Variants in CASK observed in about 807,000 individuals in gnomAD.
CASK encodes the protein peripheral plasma membrane protein CASK.
A neutral mutation model predicts 82.9 loss-of-function variants in CASK; 4 were observed. The ratio of observed to expected loss-of-function variants is 0.05; its 90% confidence interval spans 0.02 to 0.11. CASK has a LOEUF of 0.11. CASK is among the 10% of genes least tolerant of loss of function. The probability of loss-of-function intolerance (pLI) is 1.00; values close to 1 mark genes in which losing one functional copy is unlikely to be tolerated. For missense variants in CASK, 358 were observed against 720.9 expected (o/e 0.50, Z 5.76); for synonymous variants, 259 against 253.5 (o/e 1.02, Z -0.20).
At chrX:41,727,244 T>C in intron 5 of CASK, 4 of 1,204,627 alleles carry the variant, frequency 3.3e-6, no homozygotes, top group Non-Finnish European at 4.5e-6. Context: ...TTCATGAGTA[T>C]CTATTTCCTG....
intron 24 of CASK, among the ~76,000 whole-genome samples, chrX:41,534,415 ACAC>A (rs2064847814): frequency 5.5e-5 from 6 of 109,803 alleles, no homozygotes; most frequent in African/African-American, 2.0e-4. Flanking sequence ...ACACACACAC[ACAC>A]ACACACACAC....
At chrX:41,769,698 C>G (rs991131342) in intron 3 of CASK, among the ~76,000 whole-genome samples, 9 of 111,234 alleles carry the variant, frequency 8.1e-5, no homozygotes, top group African/African-American at 2.9e-4. Context: ...CCTGTAATCT[C>G]AGCACTCTGA....
chrX:41,754,868 T>C (rs751065761), intron 3 of CASK, among the ~76,000 whole-genome samples: 1 of 109,450 alleles, frequency 9.1e-6, no homozygotes, highest in East Asian at 2.9e-4. Flanking sequence ...CTAGATGCCA[T>C]TTCTGACAAG....
chrX:41,753,041 G>A (rs760516253), intron 3 of CASK, among the ~76,000 whole-genome samples: 1 of 111,481 alleles, frequency 9.0e-6, no homozygotes, highest in South Asian at 3.7e-4. Context: ...CATAAATTGT[G>A]GTAACTAGAG....
intron 1 of CASK, among the ~76,000 whole-genome samples, chrX:41,871,906 G>A (rs2071713816): frequency 8.9e-6 from 1 of 111,887 alleles, no homozygotes; most frequent in Admixed American, 9.4e-5. Context: ...TGAAAACAGA[G>A]GGAAGGCAAT....
chrX:41,670,144 T>C (rs1602438331), intron 6 of CASK, among the ~76,000 whole-genome samples: 1 of 112,170 alleles, frequency 8.9e-6, no homozygotes, highest in Non-Finnish European at 1.9e-5. Context: ...ATACCAGAAC[T>C]CAATCTTTTC....
chrX:41,662,564 T>C (rs1275516617), intron 7 of CASK, among the ~76,000 whole-genome samples: 1 of 110,571 alleles, frequency 9.0e-6, no homozygotes, highest in Admixed American at 9.7e-5. Context: ...CCGAGGCAGG[T>C]GGATCACTTG....
intron 12 of CASK, among the ~76,000 whole-genome samples, chrX:41,592,165 G>A (rs1174740371): frequency 9.6e-6 from 1 of 104,323 alleles, no homozygotes; most frequent in Non-Finnish European, 2.0e-5. Flanking sequence ...AGGCTGCAGT[G>A]AGCTATGATC....
intron 24 of CASK, among the ~76,000 whole-genome samples, chrX:41,534,428 C>G (rs2064848135): frequency 9.2e-6 from 1 of 108,736 alleles, no homozygotes. Context: ...CACACACACA[C>G]ACACACTTTA....
At position 41,665,297 on chromosome X, in the gene CASK, T is replaced by C; in HGVS notation, c.688A>G (p.Ile230Val). ...YGTKERLFEG[I>V]IKGKYKMNPR... ...ATTACCTTATATTTTCCTTTAATAA[T>C]GCCTTCAAACAATCTTTCCTTGGTT... is the stretch of plus-strand genomic sequence containing the variant. Residue 230 changes from isoleucine to valine, a missense_variant, in exon 7 of 27, where the codon ATT becomes GTT. Around this residue, in one of 5 missense-constraint regions of CASK, gnomAD observed 70 missense variants for 228.4 expected, o/e 0.31. Transcript: ENST00000378163. The C allele has an allele frequency of 1.7e-6, 2 of 1,207,167 alleles. No homozygotes were observed. Among genetic ancestry groups the C allele is most frequent in the South Asian group, 1.8e-5 (1 of 56,591 alleles).
At chrX:41,854,289 C>A (rs1301898443) in intron 1 of CASK, among the ~76,000 whole-genome samples, 1 of 105,517 alleles carries the variant, frequency 9.5e-6, no homozygotes, top group African/African-American at 3.5e-5. Flanking sequence ...CCTGTGGTTA[C>A]CAGTTATAAA....
chrX:41,885,948 CAT>C lies in CASK; in HGVS notation c.60-32723_60-32722del, dbSNP rs773425330. Among the ~76,000 whole-genome samples, 12 of 112,247 alleles carry C rather than the reference CAT, an allele frequency of 1.1e-4. No homozygotes were observed. In the Admixed American group the frequency reaches 1.1e-3, roughly 11 times the overall value. ...TTATGGTGAAGGGGAGTTTACCACA[CAT>C]ATGTGGCTTTTTCTTAATTCAAAGA... is the stretch of plus-strand genomic sequence containing the variant. On this transcript the variant is annotated intron_variant, in intron 1 of 26. Coordinates refer to ENST00000378163, the MANE Select transcript of CASK (RefSeq NM_001367721.1).
chrX:41,705,429 C>A (rs777712933), intron 5 of CASK, among the ~76,000 whole-genome samples: 1 of 111,460 alleles, frequency 9.0e-6, no homozygotes, highest in South Asian at 3.8e-4. Context: ...GTGGCATGTG[C>A]CTGTAGTCCC....
At chrX:41,913,038 C>T (rs2072610980) in intron 1 of CASK, among the ~76,000 whole-genome samples, 1 of 109,770 alleles carries the variant, frequency 9.1e-6, no homozygotes, top group Non-Finnish European at 1.9e-5. Context: ...ATTTCCCCAA[C>T]TTCCTTCTCC....
chrX:41,870,909 C>T (rs2071695789), intron 1 of CASK, among the ~76,000 whole-genome samples: 1 of 111,935 alleles, frequency 8.9e-6, no homozygotes, highest in Non-Finnish European at 1.9e-5. Context: ...ACAAATTTAC[C>T]GGCTTAAAAC....
chrX:41,610,589 T>C (rs2066029504), intron 11 of CASK, among the ~76,000 whole-genome samples: 1 of 111,314 alleles, frequency 9.0e-6, no homozygotes, highest in African/African-American at 3.3e-5. Context: ...ACTCAAGAGA[T>C]CCAAAGTCAT....
rs763141059 is a variant in CASK at position 41,787,393 on chromosome X, G to C, written c.173-110C>G. 5.8e-5 allele frequency: 31 copies of C among 536,378 alleles called. No individual in the cohort carries two copies. In the South Asian group the frequency reaches 7.8e-4, roughly 14 times the overall value. The allele number at this position is 536,378 out of a possible 1,213,427, so 44.2% of individuals were successfully genotyped here. ...GGTAACATGGATACTTCTCTAACTA[G>C]AGAGATGAAATCCCCCATTTAAACT... On this transcript the variant is annotated intron_variant, in intron 2 of 26. Coordinates refer to ENST00000378163, the MANE Select transcript of CASK (RefSeq NM_001367721.1).
intron 1 of CASK, among the ~76,000 whole-genome samples, chrX:41,915,741 G>C (rs891286575): frequency 6.4e-5 from 7 of 109,906 alleles, no homozygotes; most frequent in African/African-American, 2.3e-4. Flanking sequence ...TGTAATCCCA[G>C]CACTTTGGGA....
rs145829281 is a variant in CASK, at chrX:41,521,390, C to T, written c.2605-794G>A. On this transcript the variant is annotated intron_variant, in intron 26 of 26. Coordinates refer to ENST00000378163, the MANE Select transcript of CASK (RefSeq NM_001367721.1). ...GTCCTCATATCTCTTATGAAAAAAACAGAAGGAAGAGAACTCTAGGGAGTA... is the reference window on the plus strand; with the variant it reads ...GTCCTCATATCTCTTATGAAAAAAATAGAAGGAAGAGAACTCTAGGGAGTA... 5.4e-3 allele frequency among the ~76,000 whole-genome samples: 606 copies of T among 111,732 alleles called. 5 individuals are homozygous for T. Among genetic ancestry groups the T allele is most frequent in the African/African-American group, 0.019 (579 of 30,765 alleles).
Sources: allele counts gnomAD v4.1 joint callset (sites outside exome capture counted in the v4.1 genomes callset), GRCh38; gene constraint gnomAD v4.1.1; regional missense constraint gnomAD v4.1.1; transcripts MANE v1.5; gene names NCBI Gene and HGNC (gene_info 2026-07-23, HGNC 2026-07-21).